PPP3CA: variants seen among roughly 807,000 people sequenced by gnomAD.
PPP3CA encodes protein phosphatase 3 catalytic subunit alpha.
A neutral mutation model predicts 66.5 loss-of-function variants in PPP3CA; 14 were observed. That is an observed-to-expected ratio of 0.21 (90% CI 0.14 to 0.33). The LOEUF is 0.33. Among genes scored for constraint, PPP3CA ranks in the 10% least tolerant of loss-of-function variants. The probability of loss-of-function intolerance (pLI) is 1.00; values close to 1 mark genes in which losing one functional copy is unlikely to be tolerated. For synonymous variants in PPP3CA, 232 were observed against 226.2 expected (o/e 1.03, Z -0.23); for missense variants, 317 against 639.5 (o/e 0.50, Z 5.44).
At chr4:101,336,820 G>A (rs976675218) in intron 1 of PPP3CA, among the ~76,000 whole-genome samples, 22 of 152,196 alleles carry the variant, frequency 1.4e-4, no homozygotes, top group African/African-American at 4.8e-4. Flanking sequence ...ATGCAGGGGC[G>A]GGATTCTATC....
At chr4:101,099,280 C>T (rs920439275) in intron 4 of PPP3CA, among the ~76,000 whole-genome samples, 2 of 151,944 alleles carry the variant, frequency 1.3e-5, no homozygotes, top group Admixed American at 6.6e-5. Flanking sequence ...TTGAATTTGC[C>T]CTCCATTTGC....
At chr4:101,199,177 T>C (rs1377778145) in intron 1 of PPP3CA, among the ~76,000 whole-genome samples, 2 of 152,352 alleles carry the variant, frequency 1.3e-5, no homozygotes, top group East Asian at 3.9e-4. Context: ...TTGCTTTCTC[T>C]ATTCACCTAG....
chr4:101,129,362 G>C (rs1224580066), intron 2 of PPP3CA, among the ~76,000 whole-genome samples: 1 of 152,182 alleles, frequency 6.6e-6, no homozygotes, highest in Non-Finnish European at 1.5e-5. Flanking sequence ...TCTGAAGAGA[G>C]CAGCAGATCT....
intron 13 of PPP3CA, among the ~76,000 whole-genome samples, chr4:101,027,636 CTT>C (rs896523829): frequency 1.3e-5 from 2 of 152,072 alleles, no homozygotes; most frequent in African/African-American, 4.8e-5. Context: ...ACTCTACTGT[CTT>C]TTTTAGACTA....
At position 101,120,364 on chromosome 4, in the gene PPP3CA, T is replaced by C. The variant is rs1721987607; in HGVS notation, c.260-11286A>G. ...CAAGAAGGGCATACTTGAGAAGATG[T>C]AGATATAAACAATGGTACTGAAAAG... is the stretch of plus-strand genomic sequence containing the variant. On this transcript the variant is annotated intron_variant, in intron 2 of 13. Coordinates refer to ENST00000394854, the MANE Select transcript of PPP3CA (RefSeq NM_000944.5). 4.6e-5 allele frequency among the ~76,000 whole-genome samples: 7 copies of C among 152,134 alleles called. No individual in the cohort carries two copies. The Middle Eastern group carries it at 0.017, about 370-fold the overall frequency.
chr4:101,083,215 T>C lies in PPP3CA; in HGVS notation c.831A>G (p.Ile277Met). ...EFLQHNNLLS[I>M]LRAHEAQDAG... Reference sequence around the variant, plus strand: ...CATCTTGGGCTTCGTGGGCTCGGAGTATAGATAACAAGTTATTGTGCTGTA... The same window carrying C: ...CATCTTGGGCTTCGTGGGCTCGGAGCATAGATAACAAGTTATTGTGCTGTA... Residue 277 changes from isoleucine (I) to methionine (M), a missense_variant, in exon 7 of 14, where the codon ATA becomes ATG. Transcript: ENST00000394854. 6.2e-7 allele frequency: 1 copy of C among 1,602,926 alleles called. No homozygotes were observed.
intron 13 of PPP3CA, 35 bp from the exon 14 acceptor site, chr4:101,026,096 A>G: frequency 6.5e-7 from 1 of 1,537,474 alleles, no homozygotes; most frequent in Non-Finnish European, 8.8e-7. Flanking sequence ...GAAAACCAGG[A>G]TTATCCAAAG....
At chr4:101,277,247 A>C (rs780911884) in intron 1 of PPP3CA, among the ~76,000 whole-genome samples, 2 of 152,046 alleles carry the variant, frequency 1.3e-5, no homozygotes, top group Admixed American at 6.5e-5. Flanking sequence ...ATTTCTTTAT[A>C]TCTCTGAATA....
chr4:101,034,440 G>T (rs1423371310), intron 11 of PPP3CA, among the ~76,000 whole-genome samples: 3 of 151,998 alleles, frequency 2.0e-5, no homozygotes, highest in South Asian at 2.1e-4. Flanking sequence ...ACGATACAGT[G>T]TGTTTACTTG....
chr4:101,093,532 T>C (rs1457452483), intron 6 of PPP3CA, among the ~76,000 whole-genome samples: 3 of 152,198 alleles, frequency 2.0e-5, no homozygotes, highest in Admixed American at 6.5e-5. Context: ...ATTTGCTTTA[T>C]TGTGGTGGTC....
At chr4:101,229,006 G>C (rs533721778) in intron 1 of PPP3CA, among the ~76,000 whole-genome samples, 1 of 151,664 alleles carries the variant, frequency 6.6e-6, no homozygotes, top group South Asian at 2.1e-4. Context: ...ACTCTACTTA[G>C]CACTAAAACA....
intron 2 of PPP3CA, among the ~76,000 whole-genome samples, chr4:101,168,014 G>A (rs1353381004): frequency 6.6e-6 from 1 of 152,172 alleles, no homozygotes; most frequent in Non-Finnish European, 1.5e-5. Context: ...CTGTATGGTG[G>A]TACTTCTGTT....
chr4:101,276,638 C>G (rs1727503146), intron 1 of PPP3CA, among the ~76,000 whole-genome samples: 2 of 152,064 alleles, frequency 1.3e-5, no homozygotes, highest in Admixed American at 6.5e-5. Flanking sequence ...CATTCATGTA[C>G]CATGTATTTA....
chr4:101,330,014 A>G (rs1471581466), intron 1 of PPP3CA, among the ~76,000 whole-genome samples: 1 of 152,188 alleles, frequency 6.6e-6, no homozygotes, highest in Non-Finnish European at 1.5e-5. Context: ...AATATATCTC[A>G]TAAGACTGTC....
chr4:101,260,667 G>T (rs1369553546), intron 1 of PPP3CA, among the ~76,000 whole-genome samples: 1 of 152,042 alleles, frequency 6.6e-6, no homozygotes, highest in Non-Finnish European at 1.5e-5. Flanking sequence ...TCTCTAAAAT[G>T]TAAGTCCAAA....
intron 3 of PPP3CA, among the ~76,000 whole-genome samples, chr4:101,107,704 T>C (rs1721477663): frequency 6.6e-6 from 1 of 152,258 alleles, no homozygotes; most frequent in African/African-American, 2.4e-5. Flanking sequence ...GATATAATTG[T>C]ATAAACAAAA....
intron 2 of PPP3CA, among the ~76,000 whole-genome samples, chr4:101,186,856 G>C (rs1724426660): frequency 6.6e-6 from 1 of 152,042 alleles, no homozygotes; most frequent in Non-Finnish European, 1.5e-5. Flanking sequence ...CCATACACTA[G>C]AATCAACAGT....
chr4:101,221,236 T>TA (rs1440255956), intron 1 of PPP3CA, among the ~76,000 whole-genome samples: 5 of 151,672 alleles, frequency 3.3e-5, no homozygotes, highest in Admixed American at 2.6e-4. Context: ...CAGACGGCCA[T>TA]AAAAAAGCAG....
At chr4:101,236,339 T>C (rs1440232268) in intron 1 of PPP3CA, among the ~76,000 whole-genome samples, 1 of 151,774 alleles carries the variant, frequency 6.6e-6, no homozygotes, top group African/African-American at 2.4e-5. Context: ...AAACAGCAAA[T>C]GCAAAGGCCT....
Sources: gnomAD v4.1 joint callset for allele counts (sites outside exome capture counted in the v4.1 genomes callset) on GRCh38, gnomAD v4.1.1 for gene constraint, MANE v1.5 for transcripts, NCBI Gene and HGNC (gene_info 2026-07-23, HGNC 2026-07-21) for gene names.